ZNF559: variants seen among roughly 807,000 people sequenced by gnomAD.
ZNF559 encodes putative protein product of Nbla00121.
In ZNF559, 17 loss-of-function variants were observed where a neutral mutation model predicts 14.2. The ratio of observed to expected loss-of-function variants is 1.20; its 90% CI spans 0.82 to 1.80. ZNF559 has a LOEUF of 1.80. Ranked by LOEUF, ZNF559 falls within the 40% of genes most tolerant of loss-of-function variation. The pLI, the probability that ZNF559 is intolerant of heterozygous loss-of-function variation, is 0.00. For synonymous variants in ZNF559, 244 were observed against 212.4 expected, an observed-to-expected ratio of 1.15 and a Z score of -1.29; for missense variants, 740 against 629.7, an observed-to-expected ratio of 1.18 and a Z score of -1.88.
chr19:9,333,041 T>G (rs1431220538), intron 2 of ZNF559: 1 of 152,194 alleles, frequency 6.6e-6, no homozygotes, highest in East Asian at 1.9e-4. Flanking sequence ...GAGATCACGG[T>G]TCACTGCAGC....
Position 9,344,839 on chromosome 19 carries a change from T to G in ZNF559, c.*1771T>G, listed in dbSNP as rs985323686. On this transcript the variant is annotated 3_prime_UTR_variant, in exon 7 of 7. Coordinates refer to ENST00000603380, the MANE Select transcript of ZNF559 (RefSeq NM_032497.3). ...CTTTGGTTTGAATTATTGAGGCAGG[T>G]TCTTTCAGTAAGTTTGAGATATAAT... is the stretch of plus-strand genomic sequence containing the variant. 1 of 152,220 alleles carries G rather than the reference T, an allele frequency of 6.6e-6. No homozygotes were observed. The highest frequency in any genetic ancestry group is 1.5e-5 in the Non-Finnish European group (1 of 68,036). 9.4% of individuals were successfully genotyped at this position (152,220 alleles called of 1,614,324 possible).
intron 5 of ZNF559, among the ~76,000 whole-genome samples, chr19:9,340,733 ATTTT>A (rs201367378): frequency 3.2e-5 from 4 of 124,654 alleles, no homozygotes; most frequent in South Asian, 5.2e-4. Context: ...TGCCTGGCTA[ATTTT>A]TTTTTTTTTT....
At position 9,343,441 on chromosome 19, in the gene ZNF559, G is replaced by A; in HGVS notation, c.*373G>A. 1 of 1,058,724 alleles carries A rather than the reference G, an allele frequency of 9.4e-7. No individual in the cohort carries two copies. Among genetic ancestry groups the A allele is most frequent in the Non-Finnish European group, 1.1e-6 (1 of 875,040 alleles). 65.6% of individuals were successfully genotyped at this position (1,058,724 alleles called of 1,614,324 possible). On this transcript the variant is annotated 3_prime_UTR_variant, in exon 7 of 7. Coordinates refer to ENST00000603380, the MANE Select transcript of ZNF559 (RefSeq NM_032497.3). ...TCCTCGGGCCTTACTGAGCTTGTGAGCACATTGGATATAAATGCACGTCCT... is the reference window on the plus strand; with the variant it reads ...TCCTCGGGCCTTACTGAGCTTGTGAACACATTGGATATAAATGCACGTCCT...
Position 9,342,772 on chromosome 19 carries a change from G to GA in ZNF559, c.1323dup (p.Cys442MetfsTer6). On this transcript the variant is annotated frameshift_variant, in exon 7 of 7. Coordinates refer to ENST00000603380, the MANE Select transcript of ZNF559 (RefSeq NM_032497.3). LOFTEE classifies it low-confidence loss of function (END_TRUNC). ...TGCAGAAAGGCCTTTTGAATGTGAG[G>GA]AATGTGGGAAAGCCTTTAGATACTC... 1 of 1,614,096 alleles carries GA rather than the reference G, an allele frequency of 6.2e-7. No individual in the cohort carries two copies. Among genetic ancestry groups the GA allele is most frequent in the Non-Finnish European group, 8.5e-7 (1 of 1,180,012 alleles).
Position 9,338,500 on chromosome 19 carries a change from T to A in ZNF559, c.-50T>A. 1 of 1,612,992 alleles carries A rather than the reference T, an allele frequency of 6.2e-7. No individual in the cohort carries two copies. Among genetic ancestry groups the A allele is most frequent in the Non-Finnish European group, 8.5e-7 (1 of 1,179,076 alleles). ...TTTATTTCTTCTTCTTAAGATCATC[T>A]TTCTCAAGATGTTTTCTGTCTTCAT... is the stretch of plus-strand genomic sequence containing the variant. On this transcript the variant is annotated 5_prime_UTR_variant, in exon 4 of 7. Coordinates refer to ENST00000603380, the MANE Select transcript of ZNF559 (RefSeq NM_032497.3).
chr19:9,324,127 C>T, upstream of ZNF559: 2 of 1,529,746 alleles, frequency 1.3e-6, no homozygotes, highest in South Asian at 2.4e-5. Context: ...CGAGGCCCCG[C>T]CCCCTAGGTG....
chr19:9,324,664 C>T (rs1037363271), intron 1 of ZNF559, 31 bp from the exon 2 acceptor site: 49 of 1,393,344 alleles, frequency 3.5e-5, no homozygotes, highest in African/African-American at 2.3e-4. Flanking sequence ...AAAAAGTCTC[C>T]ACATCCAGCG....
At position 9,343,329 on chromosome 19, in the gene ZNF559, G is replaced by A. The variant is rs1403059581; in HGVS notation, c.*261G>A. ...ACAAACTGAACGTAGGAAACCTGTC[G>A]ATGCTTACATCTTACTGAGTCTGTT... On this transcript the variant is annotated 3_prime_UTR_variant, in exon 7 of 7. Coordinates refer to ENST00000603380, the MANE Select transcript of ZNF559 (RefSeq NM_032497.3). 1.0e-5 allele frequency: 13 copies of A among 1,241,128 alleles called. No individual in the cohort carries two copies. The highest frequency in any genetic ancestry group is 3.3e-4 in the Middle Eastern group (1 of 3,068). 76.9% of individuals were successfully genotyped at this position (1,241,128 alleles called of 1,614,324 possible). A position where few individuals can be genotyped will look rare whatever the true frequency, so the allele number is the denominator to read the frequency against.
chr19:9,329,517 T>C (rs1211024099), intron 2 of ZNF559, among the ~76,000 whole-genome samples: 1 of 151,840 alleles, frequency 6.6e-6, no homozygotes, highest in African/African-American at 2.4e-5. Flanking sequence ...AATTTTTGTC[T>C]TAAAGTCTAT....
intron 2 of ZNF559, among the ~76,000 whole-genome samples, chr19:9,334,810 C>T (rs2067137791): frequency 6.6e-6 from 1 of 151,944 alleles, no homozygotes; most frequent in Non-Finnish European, 1.5e-5. Flanking sequence ...GATGAGTAAA[C>T]CCAAGAGATA....
intron 5 of ZNF559, among the ~76,000 whole-genome samples, chr19:9,340,076 T>G (rs141598813): frequency 0.023 from 3,554 of 151,446 alleles, 95 homozygotes; most frequent in African/African-American, 0.074. Context: ...TGAGCCACTG[T>G]GCCCAGCCAT....
chr19:9,341,748 C>T lies in ZNF559; in HGVS notation c.297C>T (p.Ala99=). Reference sequence around the variant, plus strand: ...TTGACTTTAACCAATGTGAAAAAGCCTTGAGTGAACACTCATGCCTTAAGA... The same window carrying T: ...TTGACTTTAACCAATGTGAAAAAGCTTTGAGTGAACACTCATGCCTTAAGA... The part of the protein sequence containing the change: ...ELFDFNQCEK[A]LSEHSCLKTH... The change falls in exon 7 of 7, where the codon GCC becomes GCT. Residue 99 remains alanine (A), a synonymous_variant. Coordinates refer to ENST00000603380, the MANE Select transcript of ZNF559 (RefSeq NM_032497.3). The T allele has an allele frequency of 6.3e-7, 1 of 1,598,122 alleles. No homozygotes were observed. Among genetic ancestry groups the T allele is most frequent in the Non-Finnish European group, 8.5e-7 (1 of 1,175,530 alleles).
At chr19:9,332,105 T>G (rs572197210) in intron 2 of ZNF559, among the ~76,000 whole-genome samples, 1 of 152,026 alleles carries the variant, frequency 6.6e-6, no homozygotes, top group South Asian at 2.1e-4. Context: ...AGCTTTGGCG[T>G]TTTTGTAGAT....
chr19:9,339,252 G>A lies in ZNF559; in HGVS notation c.93G>A (p.Leu31=). 6.2e-7 allele frequency: 1 copy of A among 1,613,976 alleles called. No individual in the cohort carries two copies. Among genetic ancestry groups the A allele is most frequent in the Middle Eastern group, 1.6e-4 (1 of 6,062 alleles). Residue 31 remains leucine, a synonymous_variant, in exon 5 of 7, where the codon CTG becomes CTA. Coordinates refer to ENST00000603380, the MANE Select transcript of ZNF559 (RefSeq NM_032497.3). The part of the protein sequence containing the change: ...VDFTQEEWTL[L]DQTQRNLYRD... ...TCACCCAGGAGGAGTGGACTTTGCT[G>A]GATCAAACTCAGAGAAACTTATACA...
At position 9,337,785 on chromosome 19, in the gene ZNF559, A is replaced by T; in HGVS notation, c.-119-11A>T. On this transcript the variant is annotated splice_polypyrimidine_tract_variant and intron_variant, in intron 2 of 6. Coordinates refer to ENST00000603380, the MANE Select transcript of ZNF559 (RefSeq NM_032497.3). Reference sequence around the variant, plus strand: ...TAGTGGCACTCACATGAACAACTTCATCTTCTGCAGAGAGATGGCTAATGA... The same window carrying T: ...TAGTGGCACTCACATGAACAACTTCTTCTTCTGCAGAGAGATGGCTAATGA... 4.2e-6 allele frequency: 6 copies of T among 1,431,602 alleles called. No homozygotes were observed. The highest frequency in any genetic ancestry group is 5.5e-6 in the Non-Finnish European group (6 of 1,095,928). The allele number at this position is 1,431,602 out of a possible 1,614,324, so 88.7% of individuals were successfully genotyped here.
Position 9,338,511 on chromosome 19 carries a change from G to C in ZNF559, c.-39G>C. The C allele has an allele frequency of 6.2e-7, 1 of 1,613,676 alleles. No homozygotes were observed. Among genetic ancestry groups the C allele is most frequent in the Non-Finnish European group, 8.5e-7 (1 of 1,179,658 alleles). ...TTCTTAAGATCATCTTTCTCAAGATGTTTTCTGTCTTCATGAGTCAAAATT... is the reference window on the plus strand; with the variant it reads ...TTCTTAAGATCATCTTTCTCAAGATCTTTTCTGTCTTCATGAGTCAAAATT... On this transcript the variant is annotated 5_prime_UTR_variant, in exon 4 of 7. An upstream start codon of the reference 5' UTR is lost. Transcript: ENST00000603380.
chr19:9,327,850 GCTCTGTGTCTTGTGACACAA>G (rs2066709606), intron 2 of ZNF559, among the ~76,000 whole-genome samples: 1 of 151,740 alleles, frequency 6.6e-6, no homozygotes, highest in African/African-American at 2.4e-5. Context: ...TTTAAATTTG[GCTCTGTGTCTTGTGACACAA>G]CTCTACTAAT....
At chr19:9,340,567 T>TA (rs34086147) in intron 5 of ZNF559, among the ~76,000 whole-genome samples, 1,799 of 75,762 alleles carry the variant, frequency 0.024, 26 homozygotes, top group Non-Finnish European at 0.025. Flanking sequence ...TCTCTGTCTC[T>TA]AAAAAAAAAA....
intron 1 of ZNF559, chr19:9,324,470 C>T: frequency 1.4e-6 from 2 of 1,421,076 alleles, no homozygotes; most frequent in African/African-American, 1.4e-5. Context: ...GGGGGCACGG[C>T]CTTTCCATTT....
Sources: allele counts gnomAD v4.1 joint callset (sites outside exome capture counted in the v4.1 genomes callset), GRCh38; gene constraint gnomAD v4.1.1; transcripts MANE v1.5; gene names NCBI Gene and HGNC (gene_info 2026-07-23, HGNC 2026-07-21).